PLEKHD1: variants seen among roughly 807,000 people sequenced by gnomAD.
PLEKHD1 encodes pleckstrin homology and coiled-coil domain containing D1.
Under a neutral mutation model 69.2 loss-of-function variants are expected in PLEKHD1, and 51 were observed. The ratio of observed to expected loss-of-function variants is 0.74; its 90% confidence interval spans 0.59 to 0.93. PLEKHD1 has a LOEUF of 0.93. PLEKHD1 is among the 40% of genes least tolerant of loss of function. The probability of loss-of-function intolerance (pLI) is 0.00; values close to 1 mark genes in which losing one functional copy is unlikely to be tolerated. For missense variants in PLEKHD1, 584 were observed against 641.0 expected, an observed-to-expected ratio of 0.91 and a Z score of 0.96; for synonymous variants, 236 against 244.7, an observed-to-expected ratio of 0.96 and a Z score of 0.33.
chr14:69,502,991 A>C, intron 6 of PLEKHD1, 112 bp downstream of exon 6: 1 of 1,350,780 alleles, frequency 7.4e-7, no homozygotes, highest in African/African-American at 1.4e-5. Flanking sequence ...AGAAGATCAG[A>C]TGGGGCAGGG....
At chr14:69,508,912 C>G (rs994356043) in intron 6 of PLEKHD1, among the ~76,000 whole-genome samples, 2 of 152,180 alleles carry the variant, frequency 1.3e-5, no homozygotes, top group East Asian at 1.9e-4. Context: ...CCTCAGTAAG[C>G]CTTTTGGTGG....
At chr14:69,522,993 G>A (rs1411906402) in intron 7 of PLEKHD1, among the ~76,000 whole-genome samples, 1 of 152,092 alleles carries the variant, frequency 6.6e-6, no homozygotes, top group African/African-American at 2.4e-5. Context: ...GAGTGCAGTG[G>A]CACGATCTCG....
the PLEKHD1 span, among the ~76,000 whole-genome samples, chr14:69,473,847 A>G: frequency 6.6e-6 from 1 of 152,104 alleles, no homozygotes; most frequent in African/African-American, 2.4e-5. Context: ...GCAGAATTTG[A>G]TAACCATCTT....
In PLEKHD1 at chr14:69,524,253, C is replaced by A. The variant is rs1434911631; in HGVS notation, c.675C>A (p.Cys225Ter). 1.9e-6 allele frequency: 3 copies of A among 1,551,472 alleles called. No homozygotes were observed. The highest frequency in any genetic ancestry group is 4.9e-5 in the East Asian group (2 of 40,924). ...GGGAGCTGGAACTGACTGCAAGATGCCTTAAGGGTGTAGAACAAGAGAAAA... is the reference window on the plus strand; with the variant it reads ...GGGAGCTGGAACTGACTGCAAGATGACTTAAGGGTGTAGAACAAGAGAAAA... ...IKRELELTARCLKGVEQEKKE... is the reference protein window; with the variant it reads ...IKRELELTAR Residue 225 changes from cysteine (C) to a stop codon, truncating the protein, a stop_gained, in exon 8 of 13, where the codon TGC (cysteine) becomes TGA (stop). Coordinates refer to ENST00000322564, the MANE Select transcript of PLEKHD1 (RefSeq NM_001161498.2). LOFTEE classifies it high-confidence loss of function.
At chr14:69,501,099 G>A in intron 4 of PLEKHD1, 152 bp downstream of exon 4, 1 of 772,148 alleles carries the variant, frequency 1.3e-6, no homozygotes, top group South Asian at 1.7e-5. Context: ...GACAGGCCAG[G>A]TTTTAGAGCA....
intron 6 of PLEKHD1, among the ~76,000 whole-genome samples, chr14:69,506,925 C>T (rs1183353905): frequency 7.7e-5 from 7 of 91,066 alleles, no homozygotes; most frequent in African/African-American, 1.8e-4. Context: ...TTTTTAAAGA[C>T]GGAATCTTGC....
rs908182914 is a variant in PLEKHD1, at chr14:69,530,485, T to C, written c.*2066T>C. 4 of 152,266 alleles carry C rather than the reference T, an allele frequency of 2.6e-5. No individual in the cohort carries two copies. Among genetic ancestry groups the C allele is most frequent in the African/African-American group, 9.6e-5 (4 of 41,474 alleles). The allele number at this position is 152,266 out of a possible 1,614,324, so 9.4% of individuals were successfully genotyped here. A position where few individuals can be genotyped will look rare whatever the true frequency, so the allele number is the denominator to read the frequency against. On this transcript the variant is annotated 3_prime_UTR_variant, in exon 13 of 13. Transcript: ENST00000322564. Reference sequence around the variant, plus strand: ...GGAATATTTATAAAACCAAGATTACTGTTTCCTTTTTTTTAAAAGAATTAA... The same window carrying C: ...GGAATATTTATAAAACCAAGATTACCGTTTCCTTTTTTTTAAAAGAATTAA...
chr14:69,514,904 C>G (rs927607195), intron 6 of PLEKHD1, among the ~76,000 whole-genome samples: 2 of 152,048 alleles, frequency 1.3e-5, no homozygotes, highest in African/African-American at 4.8e-5. Flanking sequence ...TTATGGCAGG[C>G]TTTGTAAAGA....
intron 1 of PLEKHD1, among the ~76,000 whole-genome samples, chr14:69,496,268 G>A (rs1882885793): frequency 6.6e-6 from 1 of 152,142 alleles, no homozygotes; most frequent in African/African-American, 2.4e-5. Context: ...TTAAGTGGGT[G>A]GGGCTCCAGA....
At chr14:69,503,222 A>C (rs1407978340) in intron 6 of PLEKHD1, 1 of 317,176 alleles carries the variant, frequency 3.2e-6, no homozygotes, top group African/African-American at 2.1e-5. Context: ...TTATCCATAG[A>C]GGGCTATCTG....
At chr14:69,483,954 G>A (rs978938001), upstream of PLEKHD1, among the ~76,000 whole-genome samples, 1 of 152,254 alleles carries the variant, frequency 6.6e-6, no homozygotes, top group Non-Finnish European at 1.5e-5. Context: ...TGGAACAGCT[G>A]GTCCCAGGGA....
intron 6 of PLEKHD1, among the ~76,000 whole-genome samples, chr14:69,521,471 T>C (rs1445229031): frequency 6.6e-6 from 1 of 152,146 alleles, no homozygotes; most frequent in Non-Finnish European, 1.5e-5. Context: ...GAGAGTGGAA[T>C]TTGGAGCTGG....
chr14:69,479,194 A>G, the PLEKHD1 span, among the ~76,000 whole-genome samples: 5 of 152,210 alleles, frequency 3.3e-5, no homozygotes, highest in African/African-American at 9.7e-5. Flanking sequence ...CTTATTCACT[A>G]TCATGAGAAC....
Position 69,502,828 on chromosome 14 carries a change from C to A in PLEKHD1, c.504C>A (p.Asp168Glu). 6.4e-7 allele frequency: 1 copy of A among 1,551,582 alleles called. No individual in the cohort carries two copies. The highest frequency in any genetic ancestry group is 8.7e-7 in the Non-Finnish European group (1 of 1,146,948). Reference protein sequence around the residue: ...QLAKEKQEYLDKLMEETEELC... With the variant: ...QLAKEKQEYLEKLMEETEELC... ...GTGTGTGTGTGCTTGTTTTGGCAGA[C>A]AAACTGATGGAAGAGACCGAAGAAC... Residue 168 changes from aspartate (D) to glutamate (E), a missense_variant and splice_region_variant, in exon 6 of 13, where the codon GAC becomes GAA. Asp to Glu is a conservative substitution (Grantham distance 45). Transcript: ENST00000322564.
the PLEKHD1 span, among the ~76,000 whole-genome samples, chr14:69,475,392 G>A: frequency 2.3e-3 from 352 of 152,350 alleles, 2 homozygotes; most frequent in African/African-American, 8.0e-3. Context: ...CAGCGATGCC[G>A]GTGGGTACCA....
At chr14:69,482,919 A>G (rs148461942), upstream of PLEKHD1, among the ~76,000 whole-genome samples, 7 of 148,416 alleles carry the variant, frequency 4.7e-5, no homozygotes, top group Admixed American at 2.6e-4. Context: ...AAGAAAGAAA[A>G]AAAGAAAGAA....
intron 8 of PLEKHD1, among the ~76,000 whole-genome samples, chr14:69,524,910 T>C (rs1260676923): frequency 6.6e-6 from 1 of 152,146 alleles, no homozygotes; most frequent in Admixed American, 6.6e-5. Flanking sequence ...CAACCCCTGC[T>C]CCAAACCGCG....
rs574764683 is a variant in PLEKHD1, at chr14:69,519,734, A to G, written c.556-2549A>G. ...GTTTTCAACTACAAAAGGATATCCC[A>G]GCGTAATATCAAGTAACGGGAAATG... On this transcript the variant is annotated intron_variant, in intron 6 of 12. Transcript: ENST00000322564. Among the ~76,000 whole-genome samples, 6 of 152,356 alleles carry G rather than the reference A, an allele frequency of 3.9e-5. No homozygotes were observed. The South Asian group carries it at 1.2e-3, about 32-fold the overall frequency.
intron 6 of PLEKHD1, among the ~76,000 whole-genome samples, chr14:69,509,874 G>A (rs1220436442): frequency 6.6e-6 from 1 of 151,828 alleles, no homozygotes; most frequent in South Asian, 2.1e-4. Context: ...GGAGGCAGAG[G>A]TTGCTGTGAG....
Sources: allele counts gnomAD v4.1 joint callset (sites outside exome capture counted in the v4.1 genomes callset), GRCh38; gene constraint gnomAD v4.1.1; transcripts MANE v1.5; gene names NCBI Gene and HGNC (gene_info 2026-07-23, HGNC 2026-07-21).